The following FANCM variants were observed in gnomAD, a reference collection of about 807,000 sequenced individuals.
FANCM encodes the protein FA complementation group M.
Under a neutral mutation model 199.5 loss-of-function variants are expected in FANCM, and 140 were observed. The observed-to-expected ratio is 0.70, with a 90% CI of 0.61 to 0.81. FANCM has a LOEUF of 0.81. Among genes scored for constraint, FANCM ranks in the 30% least tolerant of loss-of-function variants. The pLI, the probability that FANCM is intolerant of heterozygous loss-of-function variation, is 0.00. For synonymous variants in FANCM, 840 were observed against 836.8 expected (o/e 1.00, Z -0.07); for missense variants, 2,410 against 2,421.4 (o/e 1.00, Z 0.10).
chr14:45,147,477 C>T (rs1886487908), intron 3 of FANCM, among the ~76,000 whole-genome samples: 2 of 152,006 alleles, frequency 1.3e-5, no homozygotes, highest in Admixed American at 1.3e-4. Flanking sequence ...GATATGGGGT[C>T]TCACTATGTT....
At chr14:45,188,332 T>G (rs991533415) in intron 19 of FANCM, among the ~76,000 whole-genome samples, 4 of 152,258 alleles carry the variant, frequency 2.6e-5, no homozygotes, top group Non-Finnish European at 4.4e-5. Flanking sequence ...AGAGCAAAAC[T>G]CCATCTCAAA....
At chr14:45,192,969 A>G (rs995467271) in intron 20 of FANCM, among the ~76,000 whole-genome samples, 2 of 152,176 alleles carry the variant, frequency 1.3e-5, no homozygotes, top group African/African-American at 4.8e-5. Flanking sequence ...TTCTTCACAC[A>G]CTCATCAGGC....
intron 13 of FANCM, 37 bp from the exon 14 acceptor site, chr14:45,175,034 G>A: frequency 7.2e-7 from 1 of 1,388,358 alleles, no homozygotes; most frequent in Non-Finnish European, 1.0e-6. Context: ...GTTTTGTTTT[G>A]TTTTCCTGTG....
In FANCM at chr14:45,167,114, G is replaced by A; in HGVS notation, c.1953G>A (p.Lys651=). Residue 651 remains lysine (K), a synonymous_variant, in exon 11 of 23, where the codon AAG becomes AAA. Coordinates refer to ENST00000267430, the MANE Select transcript of FANCM (RefSeq NM_020937.4). ...FITHGVYEPE[K]PSRNLQRKSS... ...CACATGGTGTCTATGAACCAGAGAA[G>A]CCTTCTCGGAACTTGCAGCGAAAGT... The A allele has an allele frequency of 6.2e-7, 1 of 1,613,904 alleles. No homozygotes were observed. Among genetic ancestry groups the A allele is most frequent in the Non-Finnish European group, 8.5e-7 (1 of 1,179,886 alleles).
At chr14:45,193,374 T>C (rs4906568) in intron 20 of FANCM, among the ~76,000 whole-genome samples, 33,345 of 152,078 alleles carry the variant, frequency 0.22, 5,206 homozygotes, top group African/African-American at 0.44. Flanking sequence ...ACTAATTCCA[T>C]ACTCCTAGTG....
At chr14:45,199,738 C>A in intron 22 of FANCM, 132 bp from the exon 23 acceptor site, 1 of 753,204 alleles carries the variant, frequency 1.3e-6, no homozygotes, top group Non-Finnish European at 2.3e-6. Flanking sequence ...ATGTTCAAGA[C>A]ATATCAGCTG....
At chr14:45,167,243 G>A in intron 11 of FANCM, 80 bp downstream of exon 11, 2 of 842,580 alleles carry the variant, frequency 2.4e-6, no homozygotes, top group South Asian at 2.8e-5. Context: ...AATATTTCTT[G>A]TTTGAAAAAC....
chr14:45,142,299 CTCT>C (rs762147705), intron 3 of FANCM, among the ~76,000 whole-genome samples: 56 of 150,978 alleles, frequency 3.7e-4, no homozygotes, highest in Non-Finnish European at 7.1e-4. Flanking sequence ...GTGATGGTTC[CTCT>C]TTTTTCTTTT....
intron 2 of FANCM, chr14:45,137,781 G>C (rs1274416298): frequency 6.3e-6 from 1 of 159,450 alleles, no homozygotes; most frequent in African/African-American, 2.4e-5. Flanking sequence ...TTCTCCTAAG[G>C]GGGATTTTGC....
rs1886617707 is a variant in FANCM, at chr14:45,148,855, A to G, written c.778A>G (p.Thr260Ala). Residue 260 changes from threonine (T) to alanine (A), a missense_variant, in exon 4 of 23, where the codon ACT becomes GCT. Thr to Ala is a moderately conservative substitution (Grantham distance 58). Coordinates refer to ENST00000267430, the MANE Select transcript of FANCM (RefSeq NM_020937.4). Reference protein sequence around the residue: ...SDIKAVQQVITNLLIGQIELR... With the variant: ...SDIKAVQQVIANLLIGQIELR... ...CATATAGGCTGTGCAACAAGTTATT[A>G]CTAACCTGCTAATTGGGCAGATAGA... 1 of 1,609,380 alleles carries G rather than the reference A, an allele frequency of 6.2e-7. No individual in the cohort carries two copies. Among genetic ancestry groups the G allele is most frequent in the Non-Finnish European group, 8.5e-7 (1 of 1,176,230 alleles).
Position 45,176,692 on chromosome 14 carries a change from G to A in FANCM, c.3938G>A (p.Ser1313Asn). The A allele has an allele frequency of 6.2e-7, 1 of 1,613,650 alleles. No homozygotes were observed. Among genetic ancestry groups the A allele is most frequent in the Non-Finnish European group, 8.5e-7 (1 of 1,179,814 alleles). Residue 1313 changes from serine to asparagine, a missense_variant, in exon 14 of 23, where the codon AGT (serine) becomes AAT (asparagine). Physicochemically the swap from Ser to Asn is conservative, Grantham distance 46. Transcript: ENST00000267430. The part of the protein sequence containing the change: ...QNPNYVHLPL[S>N]AAKNEELLSP... ...CCAAATTATGTACATTTGCCACTGA[G>A]TGCAGCAAAAAATGAAGAATTGTTA...
intron 14 of FANCM, among the ~76,000 whole-genome samples, chr14:45,180,477 C>G (rs946301166): frequency 2.0e-5 from 3 of 151,500 alleles, no homozygotes; most frequent in African/African-American, 7.3e-5. Context: ...GGCAGGGTCT[C>G]GCTTTGTCAC....
chr14:45,176,394 G>A lies in FANCM; in HGVS notation c.3640G>A (p.Val1214Met), dbSNP rs1888701877. Residue 1214 changes from valine to methionine, a missense_variant, in exon 14 of 23, where the codon GTG (valine) becomes ATG (methionine). Physicochemically the swap from Val to Met is conservative, Grantham distance 21. Transcript: ENST00000267430. ...TCAGAGAGGTGTACAGGAAGAAAAA[G>A]TGAAGAATCATGAGGATATTTTTGA... is the stretch of plus-strand genomic sequence containing the variant. ...RDQRGVQEEK[V>M]KNHEDIFDCS... is the part of the protein sequence containing the mutation. The A allele has an allele frequency of 6.2e-7, 1 of 1,612,950 alleles. No individual in the cohort carries two copies. The highest frequency in any genetic ancestry group is 8.5e-7 in the Non-Finnish European group (1 of 1,179,864).
In FANCM at chr14:45,176,619, T is replaced by C. The variant is rs1888720549; in HGVS notation, c.3865T>C (p.Phe1289Leu). The C allele has an allele frequency of 5.0e-6, 8 of 1,610,136 alleles. No individual in the cohort carries two copies. Among genetic ancestry groups the C allele is most frequent in the Non-Finnish European group, 6.8e-6 (8 of 1,178,532 alleles). ...ALIPRDHSKN[F>L]TSGTVIIPSN... is the part of the protein sequence containing the mutation. ...AATACCAAGAGATCATAGTAAAAAT[T>C]TTACTAGTGGAACTGTTATTATCCC... Residue 1289 changes from phenylalanine to leucine, a missense_variant, in exon 14 of 23, where the codon TTT (phenylalanine) becomes CTT (leucine). Physicochemically the swap from Phe to Leu is conservative, Grantham distance 22. Coordinates refer to ENST00000267430, the MANE Select transcript of FANCM (RefSeq NM_020937.4).
At chr14:45,137,333 A>G in intron 2 of FANCM, 92 bp downstream of exon 2, 3 of 986,954 alleles carry the variant, frequency 3.0e-6, no homozygotes, top group Admixed American at 3.7e-5. Context: ...GTTATTGACA[A>G]TATTATTATA....
intron 3 of FANCM, among the ~76,000 whole-genome samples, chr14:45,147,314 T>G (rs1886472797): frequency 6.6e-6 from 1 of 151,954 alleles, no homozygotes; most frequent in Admixed American, 6.6e-5. Flanking sequence ...TTTTCTTTCT[T>G]TCTTTTTTTT....
chr14:45,198,973 A>C (rs1179228791), intron 22 of FANCM, 38 bp downstream of exon 22: 1 of 1,487,960 alleles, frequency 6.7e-7, no homozygotes, highest in Non-Finnish European at 9.3e-7. Context: ...ATTACTTTTA[A>C]AAGATTCGTA....
chr14:45,172,969 T>A (rs1888434242), intron 12 of FANCM, 86 bp from the exon 13 acceptor site: 1 of 959,236 alleles, frequency 1.0e-6, no homozygotes, highest in Non-Finnish European at 1.7e-6. Flanking sequence ...GTTAAGCTGA[T>A]TATATGTATA....
intron 21 of FANCM, among the ~76,000 whole-genome samples, chr14:45,197,207 G>A (rs1299501525): frequency 6.6e-6 from 1 of 152,114 alleles, no homozygotes; most frequent in African/African-American, 2.4e-5. Context: ...TTCTCTGTGT[G>A]ATATTGCATT....
Sources: gnomAD v4.1 joint callset for allele counts (sites outside exome capture counted in the v4.1 genomes callset) on GRCh38, gnomAD v4.1.1 for gene constraint, MANE v1.5 for transcripts, NCBI Gene and HGNC (gene_info 2026-07-23, HGNC 2026-07-21) for gene names.